MAGI1: variants seen among roughly 807,000 people sequenced by gnomAD.
MAGI1 encodes the protein membrane associated guanylate kinase, WW and PDZ domain containing 1, also known as membrane-associated guanylate kinase, WW and PDZ domain-containing protein 1.
A neutral mutation model predicts 139.9 loss-of-function variants in MAGI1; 58 were observed. The observed-to-expected ratio is 0.41, with a 90% CI of 0.34 to 0.52. The LOEUF (loss-of-function observed/expected upper bound fraction) is 0.52, where lower values mean the gene tolerates loss of function less well. Among genes scored for constraint, MAGI1 ranks in the 20% least tolerant of loss-of-function variants. The pLI is 0.12. For missense variants in MAGI1, 1,874 were observed against 1,901.6 expected (o/e 0.99, Z 0.27); for synonymous variants, 812 against 737.9 (o/e 1.10, Z -1.63).
intron 1 of MAGI1, among the ~76,000 whole-genome samples, chr3:65,837,026 T>C (rs2042847965): frequency 6.6e-6 from 1 of 152,120 alleles, no homozygotes; most frequent in South Asian, 2.1e-4. Flanking sequence ...CACAGATAGG[T>C]CCTAAATGTG....
intron 2 of MAGI1, chr3:65,619,877 A>G: frequency 1.0e-6 from 1 of 985,238 alleles, no homozygotes; most frequent in African/African-American, 1.7e-5. Context: ...TAGGAACACC[A>G]TTTCTGCTTT....
chr3:65,677,097 T>C (rs550907700), intron 1 of MAGI1, among the ~76,000 whole-genome samples: 1 of 152,234 alleles, frequency 6.6e-6, no homozygotes, highest in African/African-American at 2.4e-5. Flanking sequence ...CAATTCAGGG[T>C]AGTTTAAGAT....
At chr3:65,807,552 C>T (rs1273479598) in intron 1 of MAGI1, among the ~76,000 whole-genome samples, 1 of 152,154 alleles carries the variant, frequency 6.6e-6, no homozygotes, top group Non-Finnish European at 1.5e-5. Context: ...GGTTCGCAAA[C>T]AAGCCTAACT....
At chr3:65,890,528 C>T (rs79980902) in intron 1 of MAGI1, among the ~76,000 whole-genome samples, 4,385 of 152,284 alleles carry the variant, frequency 0.029, 218 homozygotes, top group African/African-American at 0.1. Context: ...CATGTCTGAA[C>T]AAGGCCCAGC....
intron 5 of MAGI1, among the ~76,000 whole-genome samples, chr3:65,469,002 C>T (rs981212410): frequency 1.6e-5 from 2 of 127,094 alleles, no homozygotes; most frequent in African/African-American, 5.9e-5. Flanking sequence ...TGTGTATACA[C>T]ACACACACAA....
At chr3:65,995,179 C>A (rs1483549755) in intron 1 of MAGI1, among the ~76,000 whole-genome samples, 1 of 152,170 alleles carries the variant, frequency 6.6e-6, no homozygotes, top group Non-Finnish European at 1.5e-5. Flanking sequence ...AGTCACTCAG[C>A]CTTGGCTTCT....
At chr3:65,776,242 G>A (rs992879888) in intron 1 of MAGI1, among the ~76,000 whole-genome samples, 4 of 68,368 alleles carry the variant, frequency 5.9e-5, no homozygotes, top group African/African-American at 1.9e-4. Flanking sequence ...CATATAGTTG[G>A]GTTTCTTTTT....
chr3:65,883,719 T>C (rs1460081315), intron 1 of MAGI1, among the ~76,000 whole-genome samples: 1 of 152,208 alleles, frequency 6.6e-6, no homozygotes, highest in African/African-American at 2.4e-5. Flanking sequence ...CCCACTGTTC[T>C]AACCCTCTCC....
intron 1 of MAGI1, among the ~76,000 whole-genome samples, chr3:65,779,212 C>G (rs993922181): frequency 6.6e-6 from 1 of 152,208 alleles, no homozygotes; most frequent in African/African-American, 2.4e-5. Context: ...CGCTTCAGTA[C>G]ACATTACTGC....
At chr3:65,551,182 C>T (rs1357037465) in intron 2 of MAGI1, among the ~76,000 whole-genome samples, 4 of 152,198 alleles carry the variant, frequency 2.6e-5, no homozygotes, top group African/African-American at 9.6e-5. Flanking sequence ...CTTCTCCCTT[C>T]GCTTGCTTCT....
chr3:65,761,543 T>C (rs1188484124), intron 1 of MAGI1, among the ~76,000 whole-genome samples: 2 of 152,176 alleles, frequency 1.3e-5, no homozygotes, highest in Non-Finnish European at 2.9e-5. Flanking sequence ...CAAACGCTTT[T>C]ATGTCTGTCT....
At position 65,929,602 on chromosome 3, in the gene MAGI1, G is replaced by A. The variant is rs1001842570; in HGVS notation, c.313+108394C>T. Among the ~76,000 whole-genome samples, 4 of 152,092 alleles carry A rather than the reference G, an allele frequency of 2.6e-5. No individual in the cohort carries two copies. The East Asian group carries it at 5.8e-4, about 22-fold the overall frequency. On this transcript the variant is annotated intron_variant, in intron 1 of 22. Transcript: ENST00000402939. ...CCCACCTCGGCCTCCCAAAGTGCTG[G>A]GATTACAGGCGTGAGCCACCGCGCC...
chr3:65,489,639 T>G lies in MAGI1; in HGVS notation c.550+3873A>C, dbSNP rs187375761. ...TATATATACTCATTCACTGGGACAC[T>G]ATGCAGCATTTATAAAGAATGAGGT... is the stretch of plus-strand genomic sequence containing the variant. On this transcript the variant is annotated intron_variant, in intron 3 of 22. Transcript: ENST00000402939. 3.0e-3 allele frequency among the ~76,000 whole-genome samples: 457 copies of G among 152,278 alleles called. 1 individual carries two copies. The highest frequency in any genetic ancestry group is 6.8e-3 in the Middle Eastern group (2 of 294).
intron 1 of MAGI1, among the ~76,000 whole-genome samples, chr3:65,857,876 G>A (rs1404483240): frequency 2.0e-5 from 3 of 152,106 alleles, no homozygotes. Flanking sequence ...GGCAAGAAGG[G>A]GGGGAACAAA....
chr3:65,796,774 C>G (rs2040177252), intron 1 of MAGI1, among the ~76,000 whole-genome samples: 5 of 152,188 alleles, frequency 3.3e-5, no homozygotes, highest in Admixed American at 3.3e-4. Flanking sequence ...ACCATATGCT[C>G]TCTACCCTAA....
intron 1 of MAGI1, among the ~76,000 whole-genome samples, chr3:65,902,088 T>G (rs2061254557): frequency 6.6e-6 from 1 of 152,210 alleles, no homozygotes; most frequent in Non-Finnish European, 1.5e-5. Flanking sequence ...TAATGATCAT[T>G]TCTAAATATA....
At chr3:65,752,995 A>T (rs901261703) in intron 1 of MAGI1, among the ~76,000 whole-genome samples, 2 of 152,152 alleles carry the variant, frequency 1.3e-5, no homozygotes. Flanking sequence ...CTCTACTGTA[A>T]TACCCCTATT....
At chr3:65,866,898 G>A (rs1363727493) in intron 1 of MAGI1, among the ~76,000 whole-genome samples, 1 of 152,306 alleles carries the variant, frequency 6.6e-6, no homozygotes, top group East Asian at 1.9e-4. Flanking sequence ...AAGAGTGGAT[G>A]GTGGAGACTG....
intron 1 of MAGI1, among the ~76,000 whole-genome samples, chr3:65,832,834 C>T (rs900664671): frequency 6.6e-6 from 1 of 152,104 alleles, no homozygotes; most frequent in Non-Finnish European, 1.5e-5. Context: ...ATTATGGATA[C>T]TATTTTGTTT....
Sources: gnomAD v4.1 joint callset for allele counts (sites outside exome capture counted in the v4.1 genomes callset) on GRCh38, gnomAD v4.1.1 for gene constraint, MANE v1.5 for transcripts, NCBI Gene and HGNC (gene_info 2026-07-23, HGNC 2026-07-21) for gene names.